The following MMRN1 variants were observed in gnomAD, a reference collection of about 807,000 sequenced individuals.
MMRN1 encodes the protein multimerin-1.
A neutral mutation model predicts 100.7 loss-of-function variants in MMRN1; 94 were observed. The ratio of observed to expected loss-of-function variants is 0.93; its 90% CI spans 0.79 to 1.11. The LOEUF (loss-of-function observed/expected upper bound fraction) is 1.11. Among genes scored for constraint, MMRN1 ranks in the 50% least tolerant of loss-of-function variants. The pLI, the probability that MMRN1 is intolerant of heterozygous loss-of-function variation, is 0.00. For synonymous variants in MMRN1, 575 were observed against 505.0 expected (o/e 1.14, Z -1.86); for missense variants, 1,606 against 1,439.1 (o/e 1.12, Z -1.88).
At chr4:89,911,885 G>C (rs112670182) in intron 2 of MMRN1, 59 bp from the exon 3 acceptor site, 5 of 1,170,932 alleles carry the variant, frequency 4.3e-6, no homozygotes, top group African/African-American at 1.5e-5. Flanking sequence ...TTATTATTCC[G>C]GCTGATAATT....
chr4:89,904,038 G>A (rs1357607229), intron 1 of MMRN1, among the ~76,000 whole-genome samples: 4 of 151,416 alleles, frequency 2.6e-5, no homozygotes, highest in African/African-American at 4.8e-5. Context: ...TCTGATCTAC[G>A]AGGTGAAAAA....
chr4:89,893,183 G>A (rs1204305763), upstream of MMRN1, among the ~76,000 whole-genome samples: 1 of 151,900 alleles, frequency 6.6e-6, no homozygotes, highest in Non-Finnish European at 1.5e-5. Flanking sequence ...TGTCTCTGCT[G>A]GACCTTTTTG....
At position 89,941,610 on chromosome 4, in the gene MMRN1, C is replaced by T. The variant is rs181719176; in HGVS notation, c.3118+4812C>T. On this transcript the variant is annotated intron_variant, in intron 6 of 7. Transcript: ENST00000264790. The stretch of plus-strand genomic sequence containing the variant: ...AGGGAAGCAGATATTCAGCATAAAT[C>T]ATATTGTTTGTACAAAGAGTCTGGG... Among the ~76,000 whole-genome samples, 8 of 152,208 alleles carry T rather than the reference C, an allele frequency of 5.3e-5. No homozygotes were observed. In the East Asian group the frequency reaches 1.5e-3, roughly 29 times the overall value.
At chr4:89,930,529 A>C (rs1484384624) in intron 5 of MMRN1, among the ~76,000 whole-genome samples, 1 of 143,142 alleles carries the variant, frequency 7.0e-6, no homozygotes, top group African/African-American at 3.0e-5. Context: ...TAAAGCCTAA[A>C]TTTTATTGTA....
In MMRN1 at chr4:89,953,302, G is replaced by A; in HGVS notation, c.3571G>A (p.Ala1191Thr). 6.2e-7 allele frequency: 1 copy of A among 1,613,850 alleles called. No homozygotes were observed. Among genetic ancestry groups the A allele is most frequent in the Non-Finnish European group, 8.5e-7 (1 of 1,179,832 alleles). The change falls in exon 8 of 8, where the codon GCC becomes ACC. Residue 1191 changes from alanine to threonine, a missense_variant. By Grantham distance (58) the Ala-to-Thr change is moderately conservative. Transcript: ENST00000264790. Reference protein sequence around the residue: ...IHCDRVLTGDALLELNYGQEV... With the variant: ...IHCDRVLTGDTLLELNYGQEV... Reference sequence around the variant, plus strand: ...CTGTGATAGGGTTTTAACTGGGGATGCCTTATTAGAATTAAATTATGGGCA... The same window carrying A: ...CTGTGATAGGGTTTTAACTGGGGATACCTTATTAGAATTAAATTATGGGCA...
At chr4:89,914,367 G>A (rs994413113) in intron 3 of MMRN1, among the ~76,000 whole-genome samples, 3 of 151,258 alleles carry the variant, frequency 2.0e-5, no homozygotes, top group African/African-American at 7.3e-5. Context: ...AATACATGGC[G>A]ATTCTCTCTT....
rs1042589290 is a variant in MMRN1 at position 89,923,185 on chromosome 4, T to C, written c.868T>C (p.Leu290=). ...CCTTCTAGCCCAGGAACAGCAAAGT[T>C]TGATACACACCAACCAGGCTGAAAG... ...CQLRAQEQQS[L]IHTNQAESHT... Residue 290 remains leucine, a synonymous_variant, in exon 4 of 8, where the codon TTG becomes CTG. Coordinates refer to ENST00000264790, the MANE Select transcript of MMRN1 (RefSeq NM_007351.3). The C allele has an allele frequency of 6.2e-6, 10 of 1,613,806 alleles. No individual in the cohort carries two copies. The highest frequency in any genetic ancestry group is 4.0e-5 in the African/African-American group (3 of 74,908).
At chr4:89,891,817 G>C (rs1002346650), upstream of MMRN1, among the ~76,000 whole-genome samples, 1 of 151,908 alleles carries the variant, frequency 6.6e-6, no homozygotes, top group Non-Finnish European at 1.5e-5. Flanking sequence ...TAAGAAAATA[G>C]GAATTTCTCA....
chr4:89,883,578 T>G (rs1406597401), intron 1 of MMRN1, among the ~76,000 whole-genome samples: 2 of 152,172 alleles, frequency 1.3e-5, no homozygotes, highest in Non-Finnish European at 1.5e-5. Flanking sequence ...TTTGACAATT[T>G]ATTAATTGGA....
chr4:89,914,249 C>T (rs1721845112), intron 3 of MMRN1, among the ~76,000 whole-genome samples: 1 of 151,392 alleles, frequency 6.6e-6, no homozygotes, highest in Non-Finnish European at 1.5e-5. Flanking sequence ...CTTCTTCTCC[C>T]CCACTTTTGT....
At chr4:89,906,413 C>T (rs1251591936) in intron 1 of MMRN1, among the ~76,000 whole-genome samples, 1 of 151,394 alleles carries the variant, frequency 6.6e-6, no homozygotes, top group Non-Finnish European at 1.5e-5. Context: ...TTTTTCAGTA[C>T]ATGTTGCTGC....
At chr4:89,922,170 T>C (rs917364396) in intron 3 of MMRN1, among the ~76,000 whole-genome samples, 2 of 152,156 alleles carry the variant, frequency 1.3e-5, no homozygotes, top group Non-Finnish European at 2.9e-5. Flanking sequence ...AGTGATGCCA[T>C]CTCGGCTCAC....
In MMRN1 at chr4:89,927,799, G is replaced by A; in HGVS notation, c.960G>A (p.Val320=). ...QQQQGCGDPE[V]MQKMTDQVNY... ...AATTTTCTCTTCTATATGCAGAAGT[G>A]ATGCAAAAAATGACTGATCAGGTGA... is the stretch of plus-strand genomic sequence containing the variant. The change falls in exon 5 of 8, where the codon GTG becomes GTA. Residue 320 remains valine, a synonymous_variant. Transcript: ENST00000264790. 1 of 1,609,812 alleles carries A rather than the reference G, an allele frequency of 6.2e-7. No individual in the cohort carries two copies. Among genetic ancestry groups the A allele is most frequent in the Non-Finnish European group, 8.5e-7 (1 of 1,178,394 alleles).
At chr4:89,897,395 A>G (rs1270656119) in intron 1 of MMRN1, among the ~76,000 whole-genome samples, 1 of 152,022 alleles carries the variant, frequency 6.6e-6, no homozygotes, top group African/African-American at 2.4e-5. Flanking sequence ...TTTTTAGTAG[A>G]GATGGGGTTT....
intron 3 of MMRN1, among the ~76,000 whole-genome samples, chr4:89,921,016 G>A (rs1176740383): frequency 5.3e-5 from 8 of 152,032 alleles, no homozygotes; most frequent in Non-Finnish European, 8.8e-5. Flanking sequence ...AAAAGTTAAT[G>A]ATAGAAAAGG....
chr4:89,897,873 T>C, intron 1 of MMRN1, among the ~76,000 whole-genome samples: 1 of 152,152 alleles, frequency 6.6e-6, no homozygotes, highest in South Asian at 2.1e-4. Context: ...AAAATGTTAA[T>C]ATGTGCTATG....
intron 1 of MMRN1, among the ~76,000 whole-genome samples, chr4:89,886,094 T>C (rs1467380481): frequency 6.6e-6 from 1 of 150,860 alleles, no homozygotes; most frequent in East Asian, 1.9e-4. Flanking sequence ...TTTTGCCACA[T>C]TTCCCATGCT....
intron 3 of MMRN1, among the ~76,000 whole-genome samples, chr4:89,916,003 A>G (rs1721900256): frequency 6.6e-6 from 1 of 151,648 alleles, no homozygotes; most frequent in South Asian, 2.1e-4. Flanking sequence ...GGAGACAGAA[A>G]GATTGCTAAA....
upstream of MMRN1, among the ~76,000 whole-genome samples, chr4:89,891,486 T>A (rs977928254): frequency 6.6e-6 from 1 of 152,102 alleles, no homozygotes; most frequent in Non-Finnish European, 1.5e-5. Context: ...CTTCTTTAAG[T>A]TTAACTTCCC....
Sources: gnomAD v4.1 joint callset for allele counts (sites outside exome capture counted in the v4.1 genomes callset) on GRCh38, gnomAD v4.1.1 for gene constraint, MANE v1.5 for transcripts, NCBI Gene and HGNC (gene_info 2026-07-23, HGNC 2026-07-21) for gene names.